The following CACNA2D4 variants were observed in gnomAD, a reference collection of about 807,000 sequenced individuals.
CACNA2D4 encodes voltage-dependent calcium channel subunit alpha-2/delta-4.
Under a neutral mutation model 163.8 loss-of-function variants are expected in CACNA2D4, and 157 were observed. The observed-to-expected ratio is 0.96, with a 90% CI of 0.84 to 1.09. The LOEUF is 1.09. Ranked by LOEUF, CACNA2D4 falls within the 50% of genes least tolerant of loss-of-function variation. CACNA2D4 has a pLI of 0.00. For synonymous variants in CACNA2D4, 598 were observed against 586.9 expected (o/e 1.02, Z -0.27); for missense variants, 1,410 against 1,479.9 (o/e 0.95, Z 0.78).
In CACNA2D4 at chr12:1,917,992, G is replaced by A. The variant is rs1867035247; in HGVS notation, c.227+255C>T. 4.5e-6 allele frequency: 2 copies of A among 448,300 alleles called. No individual in the cohort carries two copies. Among genetic ancestry groups the A allele is most frequent in the South Asian group, 5.3e-5 (2 of 37,956 alleles). 27.8% of individuals were successfully genotyped at this position (448,300 alleles called of 1,614,324 possible). ...AGGAAGACAGCAGCCCTGATGATCA[G>A]TTCTTCCTAAAGCCATCCGGCTCCT... On this transcript the variant is annotated intron_variant, in intron 1 of 37. Transcript: ENST00000382722. The surrounding 1 kb of genome is among the most constrained non-coding windows in gnomAD (Gnocchi z 4.3).
rs1865345285 is a variant in CACNA2D4, at chr12:1,853,993, G to T, written c.2204C>A (p.Pro735His). ...EVLFDAVVTA[P>H]MEAYWTALAL... ...CAGCGCTGTCCAGTAGGCTTCCATG[G>T]GGGCTGTCACCACCGCGTCAAACAG... is the stretch of plus-strand genomic sequence containing the variant. The change falls in exon 23 of 38, where the codon CCC (proline) becomes CAC (histidine). Residue 735 changes from proline to histidine, a missense_variant. By Grantham distance (77) the Pro-to-His change is moderately conservative. Coordinates refer to ENST00000382722, the MANE Select transcript of CACNA2D4 (RefSeq NM_172364.5). The T allele has an allele frequency of 1.2e-6, 2 of 1,612,918 alleles. No homozygotes were observed. Among genetic ancestry groups the T allele is most frequent in the Non-Finnish European group, 1.7e-6 (2 of 1,179,408 alleles).
chr12:1,823,437 AG>A (rs2154446531), intron 26 of CACNA2D4, among the ~76,000 whole-genome samples: 1 of 152,106 alleles, frequency 6.6e-6, no homozygotes, highest in Non-Finnish European at 1.5e-5. Context: ...CCGTGCTCTG[AG>A]GGGGCCGAGT....
rs1863018354 is a variant in CACNA2D4 at position 1,793,001 on chromosome 12, G to A, written c.*654C>T. 1 of 152,318 alleles carries A rather than the reference G, an allele frequency of 6.6e-6. No homozygotes were observed. Among genetic ancestry groups the A allele is most frequent in the African/African-American group, 2.4e-5 (1 of 41,426 alleles). 9.4% of individuals were successfully genotyped at this position (152,318 alleles called of 1,614,324 possible). A position where few individuals can be genotyped will look rare whatever the true frequency, so the allele number is the denominator to read the frequency against. ...TAGCAGCAGTTTGGGGACATCACGT[G>A]TAGCCCTGTCGATATTTCCTGAATG... On this transcript the variant is annotated 3_prime_UTR_variant, in exon 38 of 38. Coordinates refer to ENST00000382722, the MANE Select transcript of CACNA2D4 (RefSeq NM_172364.5).
intron 26 of CACNA2D4, chr12:1,835,110 A>T: frequency 5.2e-6 from 1 of 193,498 alleles, no homozygotes. Context: ...CCTCACCTGC[A>T]TTGAGGGGAC....
At position 1,875,762 on chromosome 12, in the gene CACNA2D4, G is replaced by A. The variant is rs764490867; in HGVS notation, c.1720-425C>T. Among the ~76,000 whole-genome samples the A allele has an allele frequency of 3.9e-5, 6 of 152,176 alleles. No homozygotes were observed. In the East Asian group the frequency reaches 5.8e-4, roughly 15 times the overall value. ...TGGGATTTCCAAAGATACTTGTCAC[G>A]CCTAAGACTTCACTGCTCCAACTGA... On this transcript the variant is annotated intron_variant, in intron 16 of 37. Transcript: ENST00000382722. The surrounding 1 kb of genome is among the most constrained non-coding windows in gnomAD (Gnocchi z 4.0).
In CACNA2D4 at chr12:1,799,601, G is replaced by A. The variant is rs1863241926; in HGVS notation, c.2995+74C>T. 1.4e-6 allele frequency: 2 copies of A among 1,469,816 alleles called. No individual in the cohort carries two copies. The highest frequency in any genetic ancestry group is 1.9e-6 in the Non-Finnish European group (2 of 1,073,052). 91.0% of individuals were successfully genotyped at this position (1,469,816 alleles called of 1,614,324 possible). A position where few individuals can be genotyped will look rare whatever the true frequency, so the allele number is the denominator to read the frequency against. On this transcript the variant is annotated intron_variant, in intron 34 of 37. Transcript: ENST00000382722. The surrounding 1 kb of genome is among the most constrained non-coding windows in gnomAD (Gnocchi z 4.7). ...GGTCATTCCTGGGACAGGTCATGGAGGGTGGGTTCTTTGTAGCTCCTGCTG... is the reference window on the plus strand; with the variant it reads ...GGTCATTCCTGGGACAGGTCATGGAAGGTGGGTTCTTTGTAGCTCCTGCTG...
At chr12:1,866,029 G>A (rs1384125936) in intron 18 of CACNA2D4, among the ~76,000 whole-genome samples, 2 of 152,132 alleles carry the variant, frequency 1.3e-5, no homozygotes, top group Admixed American at 1.3e-4. Flanking sequence ...TACTGCAGGG[G>A]CTGGGACCTA....
intron 26 of CACNA2D4, among the ~76,000 whole-genome samples, chr12:1,838,390 A>T (rs1488287841): frequency 6.6e-6 from 1 of 152,150 alleles, no homozygotes; most frequent in East Asian, 1.9e-4. Context: ...TCACACGCTT[A>T]CAGTGCCAGC....
At chr12:1,797,897 G>A in intron 34 of CACNA2D4, among the ~76,000 whole-genome samples, 1 of 152,164 alleles carries the variant, frequency 6.6e-6, no homozygotes, top group Non-Finnish European at 1.5e-5. Context: ...GAGGCAGTAG[G>A]GGCACCAAGG....
intron 23 of CACNA2D4, among the ~76,000 whole-genome samples, chr12:1,851,007 T>C (rs1865266650): frequency 6.6e-6 from 1 of 152,186 alleles, no homozygotes; most frequent in African/African-American, 2.4e-5. Flanking sequence ...AGCAGCTGAG[T>C]AGCTGGGACT....
chr12:1,850,750 A>G (rs943871291), intron 23 of CACNA2D4, among the ~76,000 whole-genome samples: 1 of 152,078 alleles, frequency 6.6e-6, no homozygotes, highest in African/African-American at 2.4e-5. Context: ...TAAAAATACA[A>G]AAAAATACAA....
At chr12:1,907,684 CCTGGTGGGTGTGCCTGGTGGGCGTGT>C (rs1866693293) in intron 5 of CACNA2D4, 113 bp from the exon 6 acceptor site, 1 of 1,198,690 alleles carries the variant, frequency 8.3e-7, no homozygotes, top group Non-Finnish European at 1.2e-6. Flanking sequence ...GGTAAGCGTG[CCTGGTGGGTGTGCCTGGTGGGCGTGT>C]CTGGTGGACG....
rs1010124800 is a variant in CACNA2D4 at position 1,875,051 on chromosome 12, A to C, written c.1806+200T>G. On this transcript the variant is annotated intron_variant, in intron 17 of 37. Coordinates refer to ENST00000382722, the MANE Select transcript of CACNA2D4 (RefSeq NM_172364.5). This position sits in a 1 kb window ranked among gnomAD's most constrained non-coding sequence, Gnocchi z 4.0. ...TCAGTAGTCCTTGTGATTCAAGAAGATATTGTTATATTTTTATAGTTGTTA... is the reference window on the plus strand; with the variant it reads ...TCAGTAGTCCTTGTGATTCAAGAAGCTATTGTTATATTTTTATAGTTGTTA... Among the ~76,000 whole-genome samples the C allele has an allele frequency of 1.3e-5, 2 of 152,164 alleles. No homozygotes were observed. The highest frequency in any genetic ancestry group is 2.9e-5 in the Non-Finnish European group (2 of 68,036).
intron 32 of CACNA2D4, 68 bp from the exon 33 acceptor site, chr12:1,800,120 A>T: frequency 6.8e-7 from 1 of 1,477,558 alleles, no homozygotes; most frequent in South Asian, 1.2e-5. Flanking sequence ...AAGGAGCTGG[A>T]GTATCCCTGA....
intron 8 of CACNA2D4, 53 bp downstream of exon 8, chr12:1,886,170 G>T: frequency 6.3e-7 from 1 of 1,595,446 alleles, no homozygotes; most frequent in South Asian, 1.1e-5. Context: ...TGGTACCTGT[G>T]TATGATTTCT....
rs2154447333 is a variant in CACNA2D4 at position 1,834,547 on chromosome 12, T to C, written c.2551+6192A>G. 6.2e-7 allele frequency: 1 copy of C among 1,604,002 alleles called. No individual in the cohort carries two copies. On this transcript the variant is annotated intron_variant, in intron 26 of 37. Coordinates refer to ENST00000382722, the MANE Select transcript of CACNA2D4 (RefSeq NM_172364.5). The surrounding 1 kb of genome is among the most constrained non-coding windows in gnomAD (Gnocchi z 7.6). ...GGCGAGCCATGGGCACGGTGATCATTGCAGGGGTCGTGTGCGGCGTCGTCT... is the reference window on the plus strand; with the variant it reads ...GGCGAGCCATGGGCACGGTGATCATCGCAGGGGTCGTGTGCGGCGTCGTCT...
At chr12:1,826,016 C>A (rs1293994499) in intron 26 of CACNA2D4, among the ~76,000 whole-genome samples, 1 of 152,072 alleles carries the variant, frequency 6.6e-6, no homozygotes, top group African/African-American at 2.4e-5. Flanking sequence ...CTGCGAGGGC[C>A]GTAGGTGTGG....
intron 28 of CACNA2D4, 60 bp from the exon 29 acceptor site, chr12:1,810,400 C>T (rs1565677230): frequency 8.3e-6 from 13 of 1,559,758 alleles, no homozygotes; most frequent in Admixed American, 1.7e-5. Context: ...GGTCCTCCAG[C>T]CTGTCCCCCA....
At chr12:1,809,863 C>T (rs1863648816) in intron 29 of CACNA2D4, among the ~76,000 whole-genome samples, 1 of 152,060 alleles carries the variant, frequency 6.6e-6, no homozygotes, top group South Asian at 2.1e-4. Context: ...GTCTTCTGGG[C>T]CCCACAATGG....
Sources: gnomAD v4.1 joint callset for allele counts (sites outside exome capture counted in the v4.1 genomes callset) on GRCh38, gnomAD v4.1.1 for gene constraint, Gnocchi (gnomAD v3.1) non-coding constraint, MANE v1.5 for transcripts, NCBI Gene and HGNC (gene_info 2026-07-23, HGNC 2026-07-21) for gene names.